Variants in MAP7D3 observed in about 807,000 individuals in gnomAD.
MAP7D3 encodes MAP7 domain-containing protein 3.
In MAP7D3, 45 loss-of-function variants were observed where a neutral mutation model predicts 62.2. The ratio of observed to expected loss-of-function variants is 0.72; its 90% CI spans 0.57 to 0.93. The LOEUF (loss-of-function observed/expected upper bound fraction) is 0.93. Ranked by LOEUF, MAP7D3 falls within the 40% of genes least tolerant of loss-of-function variation. MAP7D3 has a pLI of 0.00. For missense variants in MAP7D3, 711 were observed against 683.1 expected (o/e 1.04, Z -0.45); for synonymous variants, 288 against 248.8 (o/e 1.16, Z -1.48).
Position 136,222,706 on chromosome X carries a change from T to C in MAP7D3, c.2194-220A>G, listed in dbSNP as rs780082629. 2.7e-5 allele frequency among the ~76,000 whole-genome samples: 3 copies of C among 111,695 alleles called. No individual in the cohort carries two copies. The East Asian group carries it at 8.5e-4, about 32-fold the overall frequency. On this transcript the variant is annotated intron_variant, in intron 14 of 18. Transcript: ENST00000316077. ...TTTTAGCTAGGAAGACATTCAAGAA[T>C]GAAAGATTTCCCTGGGCAGGAGCCA... is the stretch of plus-strand genomic sequence containing the variant.
Position 136,251,315 on chromosome X carries a change from G to C in MAP7D3, c.44C>G (p.Ser15Cys). 1 of 1,130,519 alleles carries C rather than the reference G, an allele frequency of 8.8e-7. No individual in the cohort carries two copies. Among genetic ancestry groups the C allele is most frequent in the Non-Finnish European group, 1.2e-6 (1 of 860,896 alleles). The allele number at this position is 1,130,519 out of a possible 1,213,427, so 93.2% of individuals were successfully genotyped here. ...GAAAGAGGSP[S>C]LRELRARMVA... ...CATCCGTGCCCGCAGCTCTCTCAAG[G>C]ATGGGCTGCCGCCAGCGCCAGCTGC... The change falls in exon 1 of 19, where the codon TCC becomes TGC. Residue 15 changes from serine (S) to cysteine (C), a missense_variant. Physicochemically the swap from Ser to Cys is moderately radical, Grantham distance 112. Coordinates refer to ENST00000316077, the MANE Select transcript of MAP7D3 (RefSeq NM_024597.4).
rs746750088 is a variant in MAP7D3 at position 136,243,659 on chromosome X, C to T, written c.417+973G>A. On this transcript the variant is annotated intron_variant, in intron 4 of 18. Transcript: ENST00000316077. ...CAGAAGTTGCAGTGAGCCAAGATCA[C>T]GCCACTATACTCCAGCCTGGGCGAC... 3.7e-5 allele frequency among the ~76,000 whole-genome samples: 4 copies of T among 109,158 alleles called. No homozygotes were observed. The East Asian group carries it at 8.7e-4, about 24-fold the overall frequency. 94.8% of individuals were successfully genotyped at this position (109,158 alleles called of 115,157 possible).
chrX:136,243,565 T>C (rs2074413151), intron 4 of MAP7D3, among the ~76,000 whole-genome samples: 1 of 111,021 alleles, frequency 9.0e-6, no homozygotes, highest in Admixed American at 9.6e-5. Flanking sequence ...TAGCCAGGCG[T>C]GGCGGTAGGC....
chrX:136,250,856 C>T (rs1025440052), intron 1 of MAP7D3, among the ~76,000 whole-genome samples: 3 of 111,714 alleles, frequency 2.7e-5, no homozygotes, highest in African/African-American at 6.5e-5. Context: ...CTGCGGGCGC[C>T]CGCACATCCC....
chrX:136,246,381 A>G (rs1335467436), intron 1 of MAP7D3, 40 bp from the exon 2 acceptor site: 5 of 902,749 alleles, frequency 5.5e-6, no homozygotes, highest in Non-Finnish European at 1.6e-6. Context: ...TGTTAAGAAT[A>G]CGGATAGCTA....
intron 4 of MAP7D3, among the ~76,000 whole-genome samples, chrX:136,242,965 A>C (rs2074405740): frequency 8.9e-6 from 1 of 112,013 alleles, no homozygotes; most frequent in African/African-American, 3.2e-5. Context: ...AACAGAGCAT[A>C]AACAACCACA....
At chrX:136,244,505 A>G (rs773283556) in intron 4 of MAP7D3, 127 bp downstream of exon 4, 11 of 557,413 alleles carry the variant, frequency 2.0e-5, no homozygotes, top group Admixed American at 6.5e-5. Flanking sequence ...GAGGAAGCGA[A>G]GAAGAAAGAG....
Position 136,217,693 on chromosome X carries a change from T to C in MAP7D3, c.*833A>G, listed in dbSNP as rs2074075554. 8.9e-6 allele frequency: 1 copy of C among 111,815 alleles called. No individual in the cohort carries two copies. The highest frequency in any genetic ancestry group is 3.2e-5 in the African/African-American group (1 of 30,809). The allele number at this position is 111,815 out of a possible 1,213,427, so 9.2% of individuals were successfully genotyped here. Reference sequence around the variant, plus strand: ...GAGCGATCCTGCGGCCCTTGCATAATCTATTCTGTTCTCTACAAGATCAAC... The same window carrying C: ...GAGCGATCCTGCGGCCCTTGCATAACCTATTCTGTTCTCTACAAGATCAAC... On this transcript the variant is annotated 3_prime_UTR_variant, in exon 19 of 19. Transcript: ENST00000316077.
intron 12 of MAP7D3, among the ~76,000 whole-genome samples, chrX:136,226,266 T>C (rs1352142222): frequency 3.6e-5 from 4 of 111,273 alleles, no homozygotes; most frequent in Non-Finnish European, 7.5e-5. Flanking sequence ...CATCACACCA[T>C]CCTAATTCAA....
upstream of MAP7D3, among the ~76,000 whole-genome samples, chrX:136,255,579 G>T (rs774629062): frequency 2.7e-5 from 3 of 111,332 alleles, no homozygotes; most frequent in Non-Finnish European, 5.7e-5. Context: ...GGTCCCTTTA[G>T]ATGTTTCCTT....
At position 136,222,425 on chromosome X, in the gene MAP7D3, T is replaced by C. The variant is rs1307768611; in HGVS notation, c.2255A>G (p.Asp752Gly). ...AAACATTTCATTCAATGAGTCCTTG[T>C]CGCTTTCTTCGTTGTCAGCCTCAGC... ...EEAEADNEES[D>G]KDSLNEMFPS... The change falls in exon 15 of 19, where the codon GAC becomes GGC. Residue 752 changes from aspartate (D) to glycine (G), a missense_variant. Asp to Gly is a moderately conservative substitution (Grantham distance 94). Coordinates refer to ENST00000316077, the MANE Select transcript of MAP7D3 (RefSeq NM_024597.4). 1 of 1,209,605 alleles carries C rather than the reference T, an allele frequency of 8.3e-7. No homozygotes were observed.
intron 6 of MAP7D3, among the ~76,000 whole-genome samples, chrX:136,238,779 C>G (rs1347394466): frequency 9.0e-6 from 1 of 111,703 alleles, no homozygotes; most frequent in Admixed American, 9.5e-5. Context: ...GAACAAAAAT[C>G]CTTTCGCCCT....
Position 136,220,831 on chromosome X carries a change from T to C in MAP7D3, c.2420A>G (p.Asn807Ser), listed in dbSNP as rs2074117569. ...QVRKEPKTYF[N>S]GDLKNFRQKS... ...TTGTCTGAAGTTTTTCAAATCGCCA[T>C]TAAAATATGTTTTTGGCTCTTTACG... The change falls in exon 16 of 19, where the codon AAT becomes AGT. Residue 807 changes from asparagine to serine, a missense_variant. Transcript: ENST00000316077. 3 of 1,210,197 alleles carry C rather than the reference T, an allele frequency of 2.5e-6. No homozygotes were observed. Among genetic ancestry groups the C allele is most frequent in the East Asian group, 5.9e-5 (2 of 33,861 alleles).
At chrX:136,231,194 G>T (rs1210435087) in intron 8 of MAP7D3, 3 of 334,212 alleles carry the variant, frequency 9.0e-6, no homozygotes, top group Admixed American at 5.4e-5. Context: ...AGGTTTAAAA[G>T]AAATATTATC....
chrX:136,216,120 T>TA, downstream of MAP7D3, among the ~76,000 whole-genome samples: 1 of 110,171 alleles, frequency 9.1e-6, no homozygotes, highest in Non-Finnish European at 1.9e-5. Flanking sequence ...ATATTTTTTT[T>TA]AAAAAAATCA....
In MAP7D3 at chrX:136,231,980, C is replaced by A. The variant is rs756700482; in HGVS notation, c.977G>T (p.Gly326Val). The change falls in exon 8 of 19, where the codon GGT becomes GTT. Residue 326 changes from glycine to valine, a missense_variant. By Grantham distance (109) the Gly-to-Val change is moderately radical (BLOSUM62 -3). Coordinates refer to ENST00000316077, the MANE Select transcript of MAP7D3 (RefSeq NM_024597.4). ...NTSMEASPKA[G>V]VGMAPEVSTD... Reference sequence around the variant, plus strand: ...GCTCACCTCAGGGGCCATGCCCACACCTGCCTTGGGGGACGCTTCCATGCT... The same window carrying A: ...GCTCACCTCAGGGGCCATGCCCACAACTGCCTTGGGGGACGCTTCCATGCT... 7 of 1,209,029 alleles carry A rather than the reference C, an allele frequency of 5.8e-6. No homozygotes were observed. The highest frequency in any genetic ancestry group is 7.8e-6 in the Non-Finnish European group (7 of 894,894).
intron 10 of MAP7D3, among the ~76,000 whole-genome samples, chrX:136,229,488 G>C (rs1451194809): frequency 9.0e-6 from 1 of 111,284 alleles, no homozygotes. Context: ...ATGTCCATGG[G>C]TATTAAGAAT....
chrX:136,248,904 T>C (rs2074476887), intron 1 of MAP7D3, among the ~76,000 whole-genome samples: 2 of 112,211 alleles, frequency 1.8e-5, no homozygotes, highest in Non-Finnish European at 3.8e-5. Flanking sequence ...CAACTTTATT[T>C]TGAAATATTA....
At chrX:136,256,355 GA>G, upstream of MAP7D3, 1 of 1,150,582 alleles carries the variant, frequency 8.7e-7, no homozygotes, top group Non-Finnish European at 1.2e-6. Flanking sequence ...CTCAGCTCTG[GA>G]ATTCCCACTG....
Sources: allele counts gnomAD v4.1 joint callset (sites outside exome capture counted in the v4.1 genomes callset), GRCh38; gene constraint gnomAD v4.1.1; transcripts MANE v1.5; gene names NCBI Gene and HGNC (gene_info 2026-07-23, HGNC 2026-07-21).